Variants in ADAMTS12 observed in about 807,000 individuals in gnomAD.
The protein encoded by ADAMTS12 is A disintegrin and metalloproteinase with thrombospondin motifs 12.
In ADAMTS12, 118 loss-of-function variants were observed where a neutral mutation model predicts 167.8. That is an observed-to-expected ratio of 0.70 (90% CI 0.61 to 0.82). The LOEUF (loss-of-function observed/expected upper bound fraction) is 0.82. Ranked by LOEUF, ADAMTS12 falls within the 40% of genes least tolerant of loss-of-function variation. The pLI, the probability that ADAMTS12 is intolerant of heterozygous loss-of-function variation, is 0.00. For missense variants in ADAMTS12, 1,916 were observed against 1,998.8 expected (o/e 0.96, Z 0.79); for synonymous variants, 704 against 716.9 (o/e 0.98, Z 0.29).
In ADAMTS12 at chr5:33,577,093, G is replaced by A. The variant is rs140294636; in HGVS notation, c.2933C>T (p.Pro978Leu). Reference protein sequence around the residue: ...SVTCAKNHDEPCDVTRKPNSR... With the variant: ...SVTCAKNHDELCDVTRKPNSR... ...GTTGGGTTTCCTTGTCACATCGCAA[G>A]GTTCATCATGGTTCTTGGCACATGT... The change falls in exon 19 of 24, where the codon CCT becomes CTT. Residue 978 changes from proline (P) to leucine (L), a missense_variant. Transcript: ENST00000504830. 4 of 1,614,072 alleles carry A rather than the reference G, an allele frequency of 2.5e-6. No homozygotes were observed. The African/African-American group carries it at 5.3e-5, about 22-fold the overall frequency.
rs533630345 is a variant in ADAMTS12, at chr5:33,788,192, T to C, written c.490-36644A>G. Reference sequence around the variant, plus strand: ...CTTCTGAACAGCCAGTAGGGGTTCCTGTCACTTTTCAAACCATGAAATAAT... The same window carrying C: ...CTTCTGAACAGCCAGTAGGGGTTCCCGTCACTTTTCAAACCATGAAATAAT... On this transcript the variant is annotated intron_variant, in intron 2 of 23. Transcript: ENST00000504830. 2.6e-5 allele frequency among the ~76,000 whole-genome samples: 4 copies of C among 152,358 alleles called. No individual in the cohort carries two copies. In the East Asian group the frequency reaches 7.7e-4, roughly 29 times the overall value.
At chr5:33,556,222 C>T (rs563971468) in intron 20 of ADAMTS12, among the ~76,000 whole-genome samples, 1 of 152,266 alleles carries the variant, frequency 6.6e-6, no homozygotes, top group South Asian at 2.1e-4. Flanking sequence ...GATGAATGGC[C>T]AGTGTCACAT....
intron 22 of ADAMTS12, 59 bp from the exon 23 acceptor site, chr5:33,535,051 C>G: frequency 6.7e-7 from 1 of 1,497,112 alleles, no homozygotes; most frequent in Non-Finnish European, 8.9e-7. Context: ...AAGGAAACAC[C>G]AGTAGAACAC....
chr5:33,822,941 A>T (rs373780617), intron 2 of ADAMTS12, among the ~76,000 whole-genome samples: 7 of 151,970 alleles, frequency 4.6e-5, no homozygotes, highest in African/African-American at 1.4e-4. Context: ...AGAATTAAAA[A>T]ATTAGCCAGA....
chr5:33,543,674 G>A (rs184372822), intron 22 of ADAMTS12, among the ~76,000 whole-genome samples: 17 of 152,170 alleles, frequency 1.1e-4, no homozygotes, highest in Admixed American at 3.9e-4. Context: ...TTATCAAGTC[G>A]GCTTCATCCT....
chr5:33,603,483 G>T (rs1200682215), intron 16 of ADAMTS12: 1 of 152,172 alleles, frequency 6.6e-6, no homozygotes, highest in Non-Finnish European at 1.5e-5. Flanking sequence ...GTTTCCTGAG[G>T]AGTAGTCAGT....
At chr5:33,838,115 T>G (rs770018464) in intron 2 of ADAMTS12, among the ~76,000 whole-genome samples, 3 of 152,204 alleles carry the variant, frequency 2.0e-5, no homozygotes, top group Non-Finnish European at 4.4e-5. Flanking sequence ...GTGCCTCATG[T>G]GGACTCACAC....
intron 2 of ADAMTS12, among the ~76,000 whole-genome samples, chr5:33,851,636 G>A (rs1749224680): frequency 6.6e-6 from 1 of 152,164 alleles, no homozygotes; most frequent in Admixed American, 6.5e-5. Context: ...AAGAGTATCT[G>A]CTCAGAAGGG....
At chr5:33,754,675 G>A (rs1003059094) in intron 2 of ADAMTS12, among the ~76,000 whole-genome samples, 2 of 152,076 alleles carry the variant, frequency 1.3e-5, no homozygotes, top group Non-Finnish European at 2.9e-5. Context: ...AAACAGCATG[G>A]TGAAACCCTG....
In ADAMTS12 at chr5:33,582,375, G is replaced by A. The variant is rs368165694; in HGVS notation, c.2866-5215C>T. ...ACATCAGGTGGCCAGCCCCACAGGA[G>A]TGCCTGGGACTGGGGAATCCAGAGG... On this transcript the variant is annotated intron_variant, in intron 18 of 23. Transcript: ENST00000504830. 4.6e-4 allele frequency among the ~76,000 whole-genome samples: 70 copies of A among 152,330 alleles called. 1 individual carries two copies. In the South Asian group the frequency reaches 0.014, roughly 30 times the overall value.
chr5:33,811,918 A>G (rs1184033910), intron 2 of ADAMTS12, among the ~76,000 whole-genome samples: 3 of 152,152 alleles, frequency 2.0e-5, no homozygotes, highest in African/African-American at 7.2e-5. Flanking sequence ...AGATTTACAG[A>G]TGAACTTGGG....
chr5:33,577,101 A>G lies in ADAMTS12; in HGVS notation c.2925T>C (p.His975=), dbSNP rs1171341963. The change falls in exon 19 of 24, where the codon CAT becomes CAC. Residue 975 remains histidine (H), a synonymous_variant. Transcript: ENST00000504830. ...RIRSVTCAKN[H]DEPCDVTRKP... ...TCCTTGTCACATCGCAAGGTTCATC[A>G]TGGTTCTTGGCACATGTGACACTGC... The G allele has an allele frequency of 6.2e-7, 1 of 1,614,070 alleles. No homozygotes were observed. The highest frequency in any genetic ancestry group is 8.5e-7 in the Non-Finnish European group (1 of 1,180,024).
chr5:33,615,929 C>G lies in ADAMTS12; in HGVS notation c.2287G>C (p.Gly763Arg). The change falls in exon 15 of 24, where the codon GGG becomes CGG. Residue 763 changes from glycine (G) to arginine (R), a missense_variant. By Grantham distance (125) the Gly-to-Arg change is moderately radical (BLOSUM62 -2). Transcript: ENST00000504830. ...ACAGTCCCTGCCAGCTTATAGTTCC[C>G]GTTCCACTGGATAATAAACCCTCCA... ...LNGGFIIQWN[G>R]NYKLAGTVFQ... The G allele has an allele frequency of 6.2e-7, 1 of 1,614,118 alleles. No individual in the cohort carries two copies. Among genetic ancestry groups the G allele is most frequent in the East Asian group, 2.2e-5 (1 of 44,886 alleles).
intron 1 of ADAMTS12, among the ~76,000 whole-genome samples, chr5:33,887,613 A>C (rs1203606700): frequency 1.3e-5 from 2 of 152,238 alleles, no homozygotes; most frequent in Non-Finnish European, 2.9e-5. Context: ...ACTTCATGAG[A>C]AATTCAAGTA....
In ADAMTS12 at chr5:33,576,160, T is replaced by A. The variant is rs1170728153; in HGVS notation, c.3866A>T (p.Asp1289Val). The change falls in exon 19 of 24, where the codon GAT becomes GTT. Residue 1289 changes from aspartate (D) to valine (V), a missense_variant. Transcript: ENST00000504830. Reference protein sequence around the residue: ...KSSEPVLTEEDATSLITEGFL... With the variant: ...KSSEPVLTEEVATSLITEGFL... ...GCCCTCAGTAATCAGACTTGTTGCA[T>A]CCTCCTCAGTCAGGACTGGTTCAGA... 1 of 1,614,228 alleles carries A rather than the reference T, an allele frequency of 6.2e-7. No individual in the cohort carries two copies. Among genetic ancestry groups the A allele is most frequent in the Admixed American group, 1.7e-5 (1 of 60,026 alleles).
In ADAMTS12 at chr5:33,527,381, A is replaced by G. The variant is rs761751427; in HGVS notation, c.4607-15T>C. On this transcript the variant is annotated splice_polypyrimidine_tract_variant and intron_variant, in intron 23 of 23. Transcript: ENST00000504830. ...GCAAAGTAAATCTGTGGAAGGAGAA[A>G]AAGAATAAGAAAAAAGTCCAAAGAT... 1 of 1,610,234 alleles carries G rather than the reference A, an allele frequency of 6.2e-7. No homozygotes were observed. The highest frequency in any genetic ancestry group is 1.1e-5 in the South Asian group (1 of 90,790).
At chr5:33,585,635 A>G (rs1747307325) in intron 18 of ADAMTS12, among the ~76,000 whole-genome samples, 1 of 152,206 alleles carries the variant, frequency 6.6e-6, no homozygotes, top group South Asian at 2.1e-4. Context: ...AGTAACTTTG[A>G]TACCTGGTCT....
intron 13 of ADAMTS12, among the ~76,000 whole-genome samples, chr5:33,625,369 G>T (rs746382855): frequency 1.3e-5 from 2 of 151,950 alleles, no homozygotes; most frequent in Non-Finnish European, 2.9e-5. Flanking sequence ...GTGGGAAACA[G>T]GTGCCTTTAG....
chr5:33,550,185 C>G (rs1000254845), intron 20 of ADAMTS12, among the ~76,000 whole-genome samples: 2 of 152,204 alleles, frequency 1.3e-5, no homozygotes, highest in African/African-American at 4.8e-5. Flanking sequence ...ACTGATGGGT[C>G]TGGGTCACCT....
Sources: allele counts gnomAD v4.1 joint callset (sites outside exome capture counted in the v4.1 genomes callset), GRCh38; gene constraint gnomAD v4.1.1; transcripts MANE v1.5; gene names NCBI Gene and HGNC (gene_info 2026-07-23, HGNC 2026-07-21).